NOC2L: variants seen among roughly 807,000 people sequenced by gnomAD.
NOC2L encodes nucleolar complex protein 2 homolog.
A neutral mutation model predicts 94.2 loss-of-function variants in NOC2L; 101 were observed. That is an observed-to-expected ratio of 1.07 (90% CI 0.91 to 1.26). The LOEUF (loss-of-function observed/expected upper bound fraction) is 1.26. Ranked by LOEUF, NOC2L falls within the 50% of genes most tolerant of loss-of-function variation. The pLI is 0.00. For missense variants in NOC2L, 1,076 were observed against 980.1 expected, an observed-to-expected ratio of 1.10 and a Z score of -1.31; for synonymous variants, 531 against 413.4, an observed-to-expected ratio of 1.28 and a Z score of -3.45.
At chr1:948,026 G>C (rs957150349) in intron 14 of NOC2L, 105 bp downstream of exon 14, 2 of 888,560 alleles carry the variant, frequency 2.3e-6, no homozygotes, top group African/African-American at 3.3e-5. Flanking sequence ...TTCCACCCCA[G>C]TCCCAGGTAC....
At position 950,268 on chromosome 1, in the gene NOC2L, GAC is replaced by G. The variant is rs569226154; in HGVS notation, c.1443+857_1443+858del. On this transcript the variant is annotated intron_variant, in intron 12 of 18. Coordinates refer to ENST00000327044, the MANE Select transcript of NOC2L (RefSeq NM_015658.4). The stretch of plus-strand genomic sequence containing the variant: ...AAATGCATGCACACAAGTGCACACA[GAC>G]ACGTGTGTATGCACATAGGTGCACA... Among the ~76,000 whole-genome samples the G allele has an allele frequency of 5.8e-4, 88 of 151,530 alleles. 1 individual carries two copies. The highest frequency in any genetic ancestry group is 3.5e-3 in the Middle Eastern group (1 of 288).
At chr1:948,041 G>T in intron 14 of NOC2L, 90 bp downstream of exon 14, 2 of 1,049,644 alleles carry the variant, frequency 1.9e-6, no homozygotes, top group East Asian at 2.6e-5. Flanking sequence ...AGGTACCCGG[G>T]ACAAGGGCAC....
At chr1:958,256 T>C (rs141418528) in intron 2 of NOC2L, 1 of 165,660 alleles carries the variant, frequency 6.0e-6, no homozygotes, top group African/African-American at 2.4e-5. Flanking sequence ...TTTTGATTTC[T>C]TTCTTTTTCT....
rs370888751 is a variant in NOC2L at position 944,369 on chromosome 1, G to A, written c.*325C>T. 1.6e-5 allele frequency: 22 copies of A among 1,360,556 alleles called. No homozygotes were observed. Among genetic ancestry groups the A allele is most frequent in the Admixed American group, 3.6e-5 (1 of 28,000 alleles). 84.3% of individuals were successfully genotyped at this position (1,360,556 alleles called of 1,614,324 possible). A position where few individuals can be genotyped will look rare whatever the true frequency, so the allele number is the denominator to read the frequency against. On this transcript the variant is annotated 3_prime_UTR_variant, in exon 19 of 19. Coordinates refer to ENST00000327044, the MANE Select transcript of NOC2L (RefSeq NM_015658.4). ...GATGGACGAGGTCTGCAGACGGAGGGCAGAGGTGGTGGAAGGGGCCAGGGG... is the reference window on the plus strand; with the variant it reads ...GATGGACGAGGTCTGCAGACGGAGGACAGAGGTGGTGGAAGGGGCCAGGGG...
chr1:956,798 A>C (rs1569955137), intron 4 of NOC2L, 96 bp downstream of exon 4: 1 of 1,554,674 alleles, frequency 6.4e-7, no homozygotes, highest in Non-Finnish European at 8.8e-7. Flanking sequence ...CTGCCTGGGC[A>C]CCCAGCTGCC....
intron 2 of NOC2L, chr1:957,532 C>A: frequency 2.1e-6 from 1 of 481,428 alleles, no homozygotes; most frequent in Non-Finnish European, 3.8e-6. Context: ...GGCCCCCAGC[C>A]GCGGTCTTCC....
intron 14 of NOC2L, 169 bp from the exon 15 acceptor site, chr1:946,714 C>T: frequency 1.3e-6 from 1 of 748,434 alleles, no homozygotes; most frequent in African/African-American, 1.8e-5. Flanking sequence ...ATGGCAGAGG[C>T]AGAATCAGCC....
At chr1:949,955 G>C (rs76376426) in intron 12 of NOC2L, among the ~76,000 whole-genome samples, 1 of 152,206 alleles carries the variant, frequency 6.6e-6, no homozygotes, top group African/African-American at 2.4e-5. Context: ...AGATAAACAG[G>C]GTGGAGATCG....
At chr1:945,440 G>C (rs112075462) in intron 17 of NOC2L, 78 bp downstream of exon 17, 1 of 1,542,968 alleles carries the variant, frequency 6.5e-7, no homozygotes, top group Admixed American at 1.7e-5. Context: ...ATGGGTACAG[G>C]TGGCCCTCGT....
Position 945,543 on chromosome 1 carries a change from G to C in NOC2L, c.2028C>G (p.Asp676Glu). Residue 676 changes from aspartate to glutamate, a missense_variant, in exon 17 of 19, where the codon GAC (aspartate) becomes GAG (glutamate). Transcript: ENST00000327044. ...DLFDLNSSEE[D>E]DTEGFSERGI... is the part of the protein sequence containing the mutation. Reference sequence around the variant, plus strand: ...CTCTCTCCGAGAATCCCTCGGTGTCGTCCTCTTCAGAGCTGTTCAGGTCAA... The same window carrying C: ...CTCTCTCCGAGAATCCCTCGGTGTCCTCCTCTTCAGAGCTGTTCAGGTCAA... The C allele has an allele frequency of 6.2e-7, 1 of 1,613,920 alleles. No individual in the cohort carries two copies. Among genetic ancestry groups the C allele is most frequent in the Non-Finnish European group, 8.5e-7 (1 of 1,179,858 alleles).
chr1:951,642 A>G (rs1642263346), intron 11 of NOC2L, among the ~76,000 whole-genome samples: 1 of 152,308 alleles, frequency 6.6e-6, no homozygotes, highest in African/African-American at 2.4e-5. Context: ...GACCCTCCTA[A>G]GCGCTCACAC....
chr1:948,005 C>G (rs1642163724), intron 14 of NOC2L, 126 bp downstream of exon 14: 1 of 735,042 alleles, frequency 1.4e-6, no homozygotes, highest in Admixed American at 2.3e-5. Flanking sequence ...GGCGCGTTGC[C>G]AGCAGTCAGG....
Position 944,246 on chromosome 1 carries a change from T to A in NOC2L, c.*448A>T. On this transcript the variant is annotated 3_prime_UTR_variant, in exon 19 of 19. Transcript: ENST00000327044. ...CTCCCACCGCTTTATTTCTTTCGGT[T>A]TCGGATGCAAAACAAAAAATTTTAA... is the stretch of plus-strand genomic sequence containing the variant. 6.9e-7 allele frequency: 1 copy of A among 1,454,082 alleles called. No individual in the cohort carries two copies. Among genetic ancestry groups the A allele is most frequent in the Non-Finnish European group, 9.1e-7 (1 of 1,104,338 alleles). 90.1% of individuals were successfully genotyped at this position (1,454,082 alleles called of 1,614,324 possible). A position where few individuals can be genotyped will look rare whatever the true frequency, so the allele number is the denominator to read the frequency against.
In NOC2L at chr1:955,902, C is replaced by T. The variant is rs759027211; in HGVS notation, c.698+21G>A. ...CCGACCCACCTTCCACCCTACCCCC[C>T]TTCACCCCCTCCCCTCTTACCTGCT... On this transcript the variant is annotated intron_variant, in intron 6 of 18. Coordinates refer to ENST00000327044, the MANE Select transcript of NOC2L (RefSeq NM_015658.4). 2.4e-5 allele frequency: 38 copies of T among 1,592,508 alleles called. 1 individual carries two copies. The South Asian group carries it at 4.1e-4, about 17-fold the overall frequency.
At position 948,186 on chromosome 1, in the gene NOC2L, T is replaced by C. The variant is rs770986187; in HGVS notation, c.1604A>G (p.His535Arg). 1.3e-6 allele frequency: 2 copies of C among 1,591,070 alleles called. No homozygotes were observed. Among genetic ancestry groups the C allele is most frequent in the Non-Finnish European group, 1.7e-6 (2 of 1,169,310 alleles). ...QLYDLTLEYL[H>R]SQAHCIGFPE... ...GAAGCCGATGCAGTGTGCCTGGCTGTGCAGGTACTCCAGGGTGAGGTCGTA... is the reference window on the plus strand; with the variant it reads ...GAAGCCGATGCAGTGTGCCTGGCTGCGCAGGTACTCCAGGGTGAGGTCGTA... Residue 535 changes from histidine (H) to arginine (R), a missense_variant, in exon 14 of 19, where the codon CAC (histidine) becomes CGC (arginine). His to Arg is a conservative substitution (Grantham distance 29). This residue lies in a region of NOC2L where 615 missense variants were observed against 577.4 expected (regional missense o/e 1.07). Transcript: ENST00000327044.
chr1:955,921 A>C lies in NOC2L; in HGVS notation c.698+2T>G, dbSNP rs1569953232. 6.5e-7 allele frequency: 1 copy of C among 1,537,476 alleles called. No homozygotes were observed. Among genetic ancestry groups the C allele is most frequent in the African/African-American group, 1.4e-5 (1 of 70,312 alleles). ...ACCCCCCTTCACCCCCTCCCCTCTT[A>C]CCTGCTGCTATCCTTTGCCACCTTT... On this transcript the variant is annotated splice_donor_variant, in intron 6 of 18. Transcript: ENST00000327044. LOFTEE classifies it high-confidence loss of function.
chr1:946,678 T>C, intron 14 of NOC2L, 133 bp from the exon 15 acceptor site: 1 of 1,089,324 alleles, frequency 9.2e-7, no homozygotes, highest in Non-Finnish European at 1.3e-6. Context: ...ATCTCAGGGC[T>C]CAAGTGCATA....
chr1:948,269 G>C, intron 13 of NOC2L, 37 bp from the exon 14 acceptor site: 1 of 1,515,446 alleles, frequency 6.6e-7, no homozygotes, highest in Non-Finnish European at 9.0e-7. Flanking sequence ...GCATCAGGGA[G>C]AGGCTGGGGC....
intron 14 of NOC2L, 150 bp downstream of exon 14, chr1:947,981 A>G: frequency 1.5e-6 from 1 of 659,066 alleles, no homozygotes; most frequent in Non-Finnish European, 2.7e-6. Context: ...AGCCCCTCCA[A>G]GGGGGCCTCA....
Sources: allele counts gnomAD v4.1 joint callset (sites outside exome capture counted in the v4.1 genomes callset), GRCh38; gene constraint gnomAD v4.1.1; regional missense constraint gnomAD v4.1.1; transcripts MANE v1.5; gene names NCBI Gene and HGNC (gene_info 2026-07-23, HGNC 2026-07-21).